Variants in DCAF8L2 observed in about 807,000 individuals in gnomAD.
DCAF8L2 encodes the protein DDB1 and CUL4 associated factor 8 like 2.
For missense variants in DCAF8L2, 430 were observed against 490.7 expected, an observed-to-expected ratio of 0.88 and a Z score of 1.17; for synonymous variants, 200 against 190.9, an observed-to-expected ratio of 1.05 and a Z score of -0.39.
At chrX:27,723,858 A>G (rs1307574121) in intron 4 of DCAF8L2, among the ~76,000 whole-genome samples, 1 of 111,171 alleles carries the variant, frequency 9.0e-6, no homozygotes, top group Non-Finnish European at 1.9e-5. Flanking sequence ...CTATATCTAC[A>G]TAATAGAATA....
At chrX:27,665,600 C>T (rs1929712444) in intron 2 of DCAF8L2, among the ~76,000 whole-genome samples, 1 of 111,618 alleles carries the variant, frequency 9.0e-6, no homozygotes, top group Admixed American at 9.5e-5. Context: ...TATCAAACAG[C>T]ATCACATGCT....
chrX:27,676,383 G>T (rs1403239099), intron 2 of DCAF8L2, among the ~76,000 whole-genome samples: 1 of 111,736 alleles, frequency 8.9e-6, no homozygotes, highest in African/African-American at 3.3e-5. Context: ...TACATGGTCT[G>T]ATATGCAAGT....
At chrX:27,623,397 C>G (rs1258812296) in intron 1 of DCAF8L2, among the ~76,000 whole-genome samples, 1 of 110,947 alleles carries the variant, frequency 9.0e-6, no homozygotes, top group African/African-American at 3.3e-5. Context: ...AAAAGTCATA[C>G]TGGAAATACT....
chrX:27,477,863 A>C, the DCAF8L2 span, among the ~76,000 whole-genome samples: 1 of 111,596 alleles, frequency 9.0e-6, no homozygotes, highest in Non-Finnish European at 1.9e-5. Flanking sequence ...TTCATCTTAA[A>C]CTTCAAGTAA....
the DCAF8L2 span, among the ~76,000 whole-genome samples, chrX:27,536,654 A>T: frequency 2.7e-5 from 3 of 110,330 alleles, 1 homozygote; most frequent in Non-Finnish European, 5.7e-5. Flanking sequence ...TAGGAAAAAA[A>T]AAACTCTCAG....
intron 3 of DCAF8L2, among the ~76,000 whole-genome samples, chrX:27,680,369 C>G (rs1262867262): frequency 8.9e-6 from 1 of 111,942 alleles, no homozygotes; most frequent in African/African-American, 3.2e-5. Context: ...TTGGCAGTCA[C>G]GCAGGATCAC....
chrX:27,598,018 A>C (rs930392580), intron 1 of DCAF8L2, among the ~76,000 whole-genome samples: 9 of 107,407 alleles, frequency 8.4e-5, no homozygotes, highest in African/African-American at 2.8e-4. Flanking sequence ...CAAATATTCA[A>C]ATTATAAATC....
chrX:27,635,850 T>C (rs1217243431), intron 2 of DCAF8L2, among the ~76,000 whole-genome samples: 1 of 106,565 alleles, frequency 9.4e-6, no homozygotes, highest in Non-Finnish European at 1.9e-5. Flanking sequence ...TTGCTCTTGT[T>C]ACCCAGGCTG....
At chrX:27,640,965 T>C (rs1456596041) in intron 2 of DCAF8L2, among the ~76,000 whole-genome samples, 1 of 111,981 alleles carries the variant, frequency 8.9e-6, no homozygotes, top group Non-Finnish European at 1.9e-5. Context: ...ATTAATATTA[T>C]ATTACTTCAT....
the DCAF8L2 span, among the ~76,000 whole-genome samples, chrX:27,473,933 C>CCATTTATTAAGAATAAGTAG: frequency 1.8e-5 from 2 of 110,541 alleles, no homozygotes; most frequent in Non-Finnish European, 3.8e-5. Flanking sequence ...GGAGTCTTTG[C>CCATTTATTAAGAATAAGTAG]CATTTATTAA....
chrX:27,514,699 AAAAAAAAAAC>A, the DCAF8L2 span, among the ~76,000 whole-genome samples: 76 of 95,683 alleles, frequency 7.9e-4, 3 homozygotes, highest in African/African-American at 2.8e-3. Context: ...AAAAAAACAA[AAAAAAAAAAC>A]AGAGTGAAAT....
the DCAF8L2 span, among the ~76,000 whole-genome samples, chrX:27,569,477 T>A: frequency 8.9e-6 from 1 of 112,025 alleles, no homozygotes; most frequent in Admixed American, 9.5e-5. Context: ...CAATACCTTT[T>A]TTTGTTTTGT....
At chrX:27,541,228 A>C in the DCAF8L2 span, among the ~76,000 whole-genome samples, 1 of 112,296 alleles carries the variant, frequency 8.9e-6, no homozygotes, top group Admixed American at 9.4e-5. Flanking sequence ...ACAGCCATGT[A>C]GAAATATGAT....
chrX:27,678,593 A>C (rs369659699), intron 3 of DCAF8L2, among the ~76,000 whole-genome samples: 59 of 112,392 alleles, frequency 5.2e-4, no homozygotes, highest in African/African-American at 1.9e-3. Context: ...GCTAGACACT[A>C]AAGAGAAAAT....
chrX:27,611,991 A>G (rs1468118282), intron 1 of DCAF8L2, among the ~76,000 whole-genome samples: 2 of 111,275 alleles, frequency 1.8e-5, no homozygotes, highest in Non-Finnish European at 3.8e-5. Flanking sequence ...TGGTATTTCT[A>G]GTTCTAGATC....
the DCAF8L2 span, among the ~76,000 whole-genome samples, chrX:27,514,822 G>A: frequency 5.4e-5 from 6 of 110,660 alleles, no homozygotes; most frequent in Non-Finnish European, 1.1e-4. Flanking sequence ...CTCATATGTG[G>A]AATCTAAAAA....
the DCAF8L2 span, among the ~76,000 whole-genome samples, chrX:27,527,993 TATTAA>T: frequency 2.8e-5 from 1 of 36,276 alleles, no homozygotes; most frequent in African/African-American, 1.3e-4. Flanking sequence ...TTTAATTAAT[TATTAA>T]ATTAAATTTT....
chrX:27,596,411 A>T (rs776874287), intron 1 of DCAF8L2, among the ~76,000 whole-genome samples: 2 of 111,813 alleles, frequency 1.8e-5, no homozygotes, highest in Non-Finnish European at 3.8e-5. Flanking sequence ...TGGTGAGAAG[A>T]TAATTAAAAC....
the DCAF8L2 span, among the ~76,000 whole-genome samples, chrX:27,529,549 A>G: frequency 8.9e-6 from 1 of 111,949 alleles, no homozygotes; most frequent in Non-Finnish European, 1.9e-5. Flanking sequence ...AAATAATCAG[A>G]TGATTTGCAA....
Sources: allele counts gnomAD v4.1 joint callset (sites outside exome capture counted in the v4.1 genomes callset), GRCh38; gene constraint gnomAD v4.1.1; transcripts MANE v1.5; gene names NCBI Gene and HGNC (gene_info 2026-07-23, HGNC 2026-07-21).